Variants in KDM4C observed in about 807,000 individuals in gnomAD.
KDM4C encodes the protein lysine-specific demethylase 4C.
A neutral mutation model predicts 129.3 loss-of-function variants in KDM4C; 81 were observed. The observed-to-expected ratio is 0.63, with a 90% CI of 0.52 to 0.75. KDM4C has a LOEUF of 0.75. Among genes scored for constraint, KDM4C ranks in the 30% least tolerant of loss-of-function variants. The pLI is 0.00. For missense variants in KDM4C, 1,457 were observed against 1,304.0 expected (o/e 1.12, Z -1.81); for synonymous variants, 573 against 456.1 (o/e 1.26, Z -3.26).
intron 17 of KDM4C, among the ~76,000 whole-genome samples, chr9:7,057,035 T>A (rs553761235): frequency 6.6e-6 from 1 of 152,326 alleles, no homozygotes; most frequent in Middle Eastern, 3.4e-3. Context: ...AAAGGTACGG[T>A]CATTATTGTG....
rs1845310509 is a variant in KDM4C, at chr9:7,174,942, T to C, written c.*213T>C. On this transcript the variant is annotated 3_prime_UTR_variant, in exon 22 of 22. Transcript: ENST00000381309. ...AATCTGAAATCATCTCTAGTCTTGC[T>C]TTCACTTGTGAGCAGTTGTCTTCTA... is the stretch of plus-strand genomic sequence containing the variant. 1 of 464,328 alleles carries C rather than the reference T, an allele frequency of 2.2e-6. No homozygotes were observed. The highest frequency in any genetic ancestry group is 3.1e-5 in the East Asian group (1 of 32,620). The allele number at this position is 464,328 out of a possible 1,614,324, so 28.8% of individuals were successfully genotyped here.
At chr9:6,811,964 C>T (rs572178291) in intron 3 of KDM4C, among the ~76,000 whole-genome samples, 66 of 152,292 alleles carry the variant, frequency 4.3e-4, no homozygotes, top group African/African-American at 1.5e-3. Context: ...GGACTCTGAT[C>T]AGTTACTAGC....
intron 1 of KDM4C, among the ~76,000 whole-genome samples, chr9:6,764,314 A>G (rs1820187616): frequency 6.6e-6 from 1 of 152,210 alleles, no homozygotes; most frequent in Non-Finnish European, 1.5e-5. Context: ...GGGTATGAGC[A>G]CTTAAGTGCT....
chr9:6,792,947 G>A, intron 1 of KDM4C, 25 bp from the exon 2 acceptor site: 1 of 1,611,990 alleles, frequency 6.2e-7, no homozygotes, highest in Non-Finnish European at 8.5e-7. Flanking sequence ...ATTCAGTTCT[G>A]TTGACCCTAC....
At position 6,888,041 on chromosome 9, in the gene KDM4C, A is replaced by T; in HGVS notation, c.761A>T (p.Lys254Ile). The T allele has an allele frequency of 6.3e-7, 1 of 1,584,496 alleles. No homozygotes were observed. The highest frequency in any genetic ancestry group is 8.7e-7 in the Non-Finnish European group (1 of 1,155,590). ...MTLISPSVLK[K>I]YGIPFDKITQ... ...TTGATTTCTCCATCAGTATTGAAGA[A>T]ATATGGTATTCCCTTTGACAAGGTA... Residue 254 changes from lysine (K) to isoleucine (I), a missense_variant, in exon 7 of 22, where the codon AAA (lysine) becomes ATA (isoleucine). Physicochemically the swap from Lys to Ile is moderately radical, Grantham distance 102 (BLOSUM62 -3). Coordinates refer to ENST00000381309, the MANE Select transcript of KDM4C (RefSeq NM_015061.6).
At chr9:6,835,242 T>G in intron 4 of KDM4C, 1 of 910,776 alleles carries the variant, frequency 1.1e-6, no homozygotes, top group Admixed American at 1.7e-5. Context: ...TCTTCCAGCT[T>G]TCCTTCCTGG....
chr9:6,882,067 A>G (rs576798609), intron 6 of KDM4C, among the ~76,000 whole-genome samples: 19 of 152,226 alleles, frequency 1.2e-4, no homozygotes, highest in Non-Finnish European at 2.5e-4. Flanking sequence ...GGCACCTACA[A>G]ATATTTTATC....
intron 1 of KDM4C, among the ~76,000 whole-genome samples, chr9:6,742,452 A>G (rs928912405): frequency 1.3e-5 from 2 of 152,124 alleles, no homozygotes; most frequent in African/African-American, 4.8e-5. Flanking sequence ...GAGTTAGTTC[A>G]GAGAGACTCT....
At chr9:6,951,948 T>G (rs978562933) in intron 8 of KDM4C, among the ~76,000 whole-genome samples, 2 of 152,198 alleles carry the variant, frequency 1.3e-5, no homozygotes, top group African/African-American at 4.8e-5. Flanking sequence ...CTTTATGCCT[T>G]TAATATTGGG....
chr9:6,884,462 C>G (rs1844953517), intron 6 of KDM4C, among the ~76,000 whole-genome samples: 1 of 152,058 alleles, frequency 6.6e-6, no homozygotes, highest in Non-Finnish European at 1.5e-5. Flanking sequence ...TTCTTGTATT[C>G]TTTTCCTTAG....
chr9:6,855,614 C>T (rs1318531309), intron 5 of KDM4C, among the ~76,000 whole-genome samples: 8 of 152,038 alleles, frequency 5.3e-5, no homozygotes, highest in Non-Finnish European at 1.2e-4. Context: ...TTATTTCTCC[C>T]TCCCTCCACT....
chr9:6,953,208 C>G (rs1011782552), intron 8 of KDM4C, among the ~76,000 whole-genome samples: 4 of 152,202 alleles, frequency 2.6e-5, no homozygotes, highest in African/African-American at 9.6e-5. Flanking sequence ...TCAGACATCT[C>G]CCTTTCACTC....
intron 17 of KDM4C, among the ~76,000 whole-genome samples, chr9:7,091,492 T>C (rs1333272585): frequency 1.3e-5 from 2 of 152,150 alleles, no homozygotes; most frequent in Non-Finnish European, 1.5e-5. Flanking sequence ...CCCCTATACT[T>C]TAAGAAATAT....
intron 4 of KDM4C, among the ~76,000 whole-genome samples, chr9:6,842,274 A>G (rs1837074308): frequency 6.6e-6 from 1 of 150,480 alleles, no homozygotes; most frequent in African/African-American, 2.4e-5. Flanking sequence ...CATTTTTTGC[A>G]GATTTGGCCA....
rs1416406413 is a variant in KDM4C, at chr9:7,101,762, T to C, written c.2425-1923T>C. On this transcript the variant is annotated intron_variant, in intron 17 of 21. Coordinates refer to ENST00000381309, the MANE Select transcript of KDM4C (RefSeq NM_015061.6). ...GCTTTAATTAGCTAAGTCACAACAC[T>C]GTCCTACTCTTAAAAGATCTTAAGA... is the stretch of plus-strand genomic sequence containing the variant. 5.3e-5 allele frequency among the ~76,000 whole-genome samples: 8 copies of C among 152,356 alleles called. No individual in the cohort carries two copies. In the East Asian group the frequency reaches 1.5e-3, roughly 29 times the overall value.
intron 1 of KDM4C, among the ~76,000 whole-genome samples, chr9:6,777,133 T>C (rs1413841567): frequency 6.6e-6 from 1 of 152,236 alleles, no homozygotes; most frequent in African/African-American, 2.4e-5. Context: ...CTAATCTGTA[T>C]TGCTGTTGTT....
At chr9:6,741,443 T>G (rs1420282982) in intron 1 of KDM4C, among the ~76,000 whole-genome samples, 1 of 152,062 alleles carries the variant, frequency 6.6e-6, no homozygotes, top group African/African-American at 2.4e-5. Context: ...GAATATTCTA[T>G]TTACCCGGGT....
At chr9:6,770,050 A>C (rs1400809132) in intron 1 of KDM4C, among the ~76,000 whole-genome samples, 1 of 152,098 alleles carries the variant, frequency 6.6e-6, no homozygotes, top group Non-Finnish European at 1.5e-5. Context: ...ATGGTGGGGC[A>C]TGCCTGTAAC....
chr9:7,014,174 C>A, intron 14 of KDM4C, 173 bp downstream of exon 14: 1 of 576,548 alleles, frequency 1.7e-6, no homozygotes, highest in South Asian at 2.6e-5. Flanking sequence ...TATATTCATC[C>A]TTTTTTCACC....
Sources: allele counts gnomAD v4.1 joint callset (sites outside exome capture counted in the v4.1 genomes callset), GRCh38; gene constraint gnomAD v4.1.1; transcripts MANE v1.5; gene names NCBI Gene and HGNC (gene_info 2026-07-23, HGNC 2026-07-21).